The following TACR3 variants were observed in gnomAD, a reference collection of about 807,000 sequenced individuals.
The protein encoded by TACR3 is neuromedin-K receptor.
In TACR3, 34 loss-of-function variants were observed where a neutral mutation model predicts 35.0. The observed-to-expected ratio is 0.97, with a 90% CI of 0.74 to 1.30. TACR3 has a LOEUF of 1.30. TACR3 is among the 50% of genes most tolerant of loss of function. TACR3 has a pLI of 0.00. For synonymous variants in TACR3, 233 were observed against 221.1 expected (o/e 1.05, Z -0.48); for missense variants, 558 against 591.7 (o/e 0.94, Z 0.59).
At chr4:103,649,849 T>C (rs538688454) in intron 3 of TACR3, among the ~76,000 whole-genome samples, 1 of 152,216 alleles carries the variant, frequency 6.6e-6, no homozygotes, top group African/African-American at 2.4e-5. Context: ...TGGTGACTTA[T>C]TTAGTTCATT....
chr4:103,657,294 A>G (rs1466924147), intron 2 of TACR3, among the ~76,000 whole-genome samples: 1 of 152,048 alleles, frequency 6.6e-6, no homozygotes, highest in African/African-American at 2.4e-5. Context: ...GTAGATTACT[A>G]AGTATTGATT....
At chr4:103,702,382 A>G (rs1334887157) in intron 1 of TACR3, among the ~76,000 whole-genome samples, 1 of 152,200 alleles carries the variant, frequency 6.6e-6, no homozygotes, top group Non-Finnish European at 1.5e-5. Flanking sequence ...AATGGCGATC[A>G]TTAAAAAGTC....
intron 1 of TACR3, among the ~76,000 whole-genome samples, chr4:103,672,269 A>C (rs983106640): frequency 1.3e-5 from 2 of 152,116 alleles, no homozygotes; most frequent in Admixed American, 6.6e-5. Flanking sequence ...AAAATGGTGA[A>C]TCTTTTCCAG....
At chr4:103,631,326 TA>T (rs1005097144) in intron 3 of TACR3, among the ~76,000 whole-genome samples, 3 of 152,002 alleles carry the variant, frequency 2.0e-5, no homozygotes, top group Non-Finnish European at 2.9e-5. Flanking sequence ...TAAAGTATAA[TA>T]AAAAAATGAA....
intron 3 of TACR3, among the ~76,000 whole-genome samples, chr4:103,650,998 C>A (rs113736494): frequency 2.4e-5 from 1 of 42,144 alleles, no homozygotes; most frequent in African/African-American, 3.1e-4. Context: ...ATATATATAT[C>A]TCATATATAA....
At chr4:103,611,812 G>GAGAC (rs1724518812) in intron 3 of TACR3, among the ~76,000 whole-genome samples, 1 of 152,138 alleles carries the variant, frequency 6.6e-6, no homozygotes, top group South Asian at 2.1e-4. Flanking sequence ...CTGACTGCCA[G>GAGAC]AGACAGACAC....
intron 3 of TACR3, among the ~76,000 whole-genome samples, chr4:103,615,357 T>G (rs1394024401): frequency 6.6e-6 from 1 of 151,426 alleles, no homozygotes; most frequent in African/African-American, 2.4e-5. Flanking sequence ...GCTCTTCCTT[T>G]TACCATATTT....
At chr4:103,599,517 A>G (rs186081379) in intron 3 of TACR3, among the ~76,000 whole-genome samples, 5,085 of 152,270 alleles carry the variant, frequency 0.033, 321 homozygotes, top group African/African-American at 0.12. Flanking sequence ...GAGAGAGGGC[A>G]TCCTTGTCTT....
At chr4:103,660,129 G>A (rs1725810685) in intron 1 of TACR3, among the ~76,000 whole-genome samples, 1 of 151,576 alleles carries the variant, frequency 6.6e-6, no homozygotes, top group African/African-American at 2.4e-5. Context: ...GTAACTACTG[G>A]GCAGAATTAA....
chr4:103,679,356 A>G (rs890469391), intron 1 of TACR3, among the ~76,000 whole-genome samples: 6 of 152,034 alleles, frequency 3.9e-5, no homozygotes, highest in Non-Finnish European at 7.4e-5. Context: ...TTACCTTAAT[A>G]GCAGCATATT....
At chr4:103,661,541 G>A (rs1028037069) in intron 1 of TACR3, among the ~76,000 whole-genome samples, 1 of 152,130 alleles carries the variant, frequency 6.6e-6, no homozygotes, top group Non-Finnish European at 1.5e-5. Context: ...AAAGGGAGAA[G>A]TGGAATAACA....
chr4:103,669,138 A>G (rs1725999507), intron 1 of TACR3, among the ~76,000 whole-genome samples: 1 of 152,054 alleles, frequency 6.6e-6, no homozygotes, highest in Non-Finnish European at 1.5e-5. Context: ...GTTGCAAATG[A>G]CAGGATTTCA....
At position 103,628,036 on chromosome 4, in the gene TACR3, C is replaced by T. The variant is rs142118293; in HGVS notation, c.888+28158G>A. Among the ~76,000 whole-genome samples, 1,190 of 152,040 alleles carry T rather than the reference C, an allele frequency of 7.8e-3. 8 individuals carry two copies. The highest frequency in any genetic ancestry group is 0.013 in the Non-Finnish European group (880 of 67,976). On this transcript the variant is annotated intron_variant, in intron 3 of 4. Transcript: ENST00000304883. ...TCATGGAAACTGAACAACTTGCTCC[C>T]GAATGACTACTGGGTAAACAATAAA...
chr4:103,682,352 G>T (rs1052270229), intron 1 of TACR3, among the ~76,000 whole-genome samples: 30 of 152,174 alleles, frequency 2.0e-4, no homozygotes, highest in Admixed American at 6.6e-5. Context: ...TTGACTCACA[G>T]TTCCACATGG....
chr4:103,664,036 C>T (rs373256241), intron 1 of TACR3, among the ~76,000 whole-genome samples: 61 of 152,314 alleles, frequency 4.0e-4, no homozygotes, highest in African/African-American at 1.4e-3. Context: ...AGGATTATTT[C>T]ATAAGTAACA....
chr4:103,600,889 C>T (rs971652819), intron 3 of TACR3, among the ~76,000 whole-genome samples: 7 of 152,116 alleles, frequency 4.6e-5, no homozygotes, highest in Admixed American at 4.6e-4. Flanking sequence ...ACTATGTGGT[C>T]AGTTTTGGAG....
rs903059845 is a variant in TACR3 at position 103,597,721 on chromosome 4, T to C, written c.889-6038A>G. Among the ~76,000 whole-genome samples, 28 of 151,950 alleles carry C rather than the reference T, an allele frequency of 1.8e-4. No individual in the cohort carries two copies. The East Asian group carries it at 4.1e-3, about 22-fold the overall frequency. ...CATGCAGTTTGGTTTTTTGTCCTTG[T>C]AATAGTTTGCTGAGAATGATGGTTT... On this transcript the variant is annotated intron_variant, in intron 3 of 4. Transcript: ENST00000304883.
At chr4:103,619,884 C>T (rs908304005) in intron 3 of TACR3, among the ~76,000 whole-genome samples, 1 of 152,050 alleles carries the variant, frequency 6.6e-6, no homozygotes, top group Admixed American at 6.5e-5. Context: ...GTAACAAAAA[C>T]TTGCTAAGTT....
intron 3 of TACR3, among the ~76,000 whole-genome samples, chr4:103,653,577 T>A (rs921020639): frequency 6.6e-6 from 1 of 151,852 alleles, no homozygotes; most frequent in East Asian, 1.9e-4. Context: ...CATGTTCGAC[T>A]TAAAACCATA....
Sources: allele counts gnomAD v4.1 joint callset (sites outside exome capture counted in the v4.1 genomes callset), GRCh38; gene constraint gnomAD v4.1.1; transcripts MANE v1.5; gene names NCBI Gene and HGNC (gene_info 2026-07-23, HGNC 2026-07-21).